Variants in MCC observed in about 807,000 individuals in gnomAD.
MCC encodes MCC regulator of Wnt signaling pathway, also known as colorectal mutant cancer protein.
In MCC, 90 loss-of-function variants were observed where a neutral mutation model predicts 116.2. That is an observed-to-expected ratio of 0.77 (90% CI 0.65 to 0.92). The LOEUF (loss-of-function observed/expected upper bound fraction) is 0.92, where lower values mean the gene tolerates loss of function less well. Ranked by LOEUF, MCC falls within the 40% of genes least tolerant of loss-of-function variation. The pLI is 0.00. For synonymous variants in MCC, 578 were observed against 510.5 expected, an observed-to-expected ratio of 1.13 and a Z score of -1.78; for missense variants, 1,516 against 1,312.2, an observed-to-expected ratio of 1.16 and a Z score of -2.40.
intron 1 of MCC, among the ~76,000 whole-genome samples, chr5:113,394,174 G>T (rs1190197783): frequency 6.6e-6 from 1 of 151,882 alleles, no homozygotes; most frequent in Non-Finnish European, 1.5e-5. Flanking sequence ...CACCCATGCT[G>T]GAAATCTAGA....
chr5:113,103,390 C>A (rs1756547784), intron 7 of MCC, among the ~76,000 whole-genome samples: 1 of 152,168 alleles, frequency 6.6e-6, no homozygotes, highest in Non-Finnish European at 1.5e-5. Context: ...GGGCTAGACC[C>A]AAGTTGACAT....
At chr5:113,377,157 A>G (rs550609537) in intron 2 of MCC, among the ~76,000 whole-genome samples, 4 of 152,314 alleles carry the variant, frequency 2.6e-5, no homozygotes, top group East Asian at 1.9e-4. Flanking sequence ...GGCTTCTCCA[A>G]TATGGTCACA....
At chr5:113,393,806 T>C (rs1016335409) in intron 1 of MCC, among the ~76,000 whole-genome samples, 1 of 152,216 alleles carries the variant, frequency 6.6e-6, no homozygotes, top group Admixed American at 6.5e-5. Flanking sequence ...TTCTTGAAAC[T>C]CTTCCTTCAG....
At chr5:113,116,010 C>T (rs1757370122) in intron 6 of MCC, among the ~76,000 whole-genome samples, 1 of 152,210 alleles carries the variant, frequency 6.6e-6, no homozygotes, top group African/African-American at 2.4e-5. Flanking sequence ...CTGACCACAG[C>T]CCAGCTCTCA....
chr5:113,079,005 T>C (rs1323313624), intron 11 of MCC, among the ~76,000 whole-genome samples: 2 of 152,164 alleles, frequency 1.3e-5, no homozygotes, highest in Admixed American at 6.5e-5. Context: ...AGCATTCCTG[T>C]ACACCAATAA....
At chr5:113,285,373 G>A (rs1838206) in intron 3 of MCC, among the ~76,000 whole-genome samples, 18,183 of 127,022 alleles carry the variant, frequency 0.14, 1,261 homozygotes, top group Non-Finnish European at 0.17. Flanking sequence ...AATATGAAAA[G>A]AATAAGAAAG....
chr5:113,232,957 C>G (rs1014759607), intron 3 of MCC, among the ~76,000 whole-genome samples: 3 of 152,120 alleles, frequency 2.0e-5, no homozygotes, highest in African/African-American at 7.2e-5. Context: ...TTGGAGAAGT[C>G]TGAAGCGTAT....
At chr5:113,226,291 C>T (rs1273523002) in intron 3 of MCC, among the ~76,000 whole-genome samples, 1 of 152,100 alleles carries the variant, frequency 6.6e-6, no homozygotes. Flanking sequence ...AACTGAGGGG[C>T]CAGGATGGGA....
intron 11 of MCC, among the ~76,000 whole-genome samples, chr5:113,074,804 T>C (rs1461604137): frequency 6.6e-6 from 1 of 152,206 alleles, no homozygotes; most frequent in Non-Finnish European, 1.5e-5. Context: ...GAAGATCATA[T>C]GAATGAAATG....
chr5:113,451,849 G>A (rs976661697), intron 1 of MCC, among the ~76,000 whole-genome samples: 1 of 152,208 alleles, frequency 6.6e-6, no homozygotes, highest in African/African-American at 2.4e-5. Context: ...AAAATTTGGT[G>A]GCTTAAAAAA....
At chr5:113,174,076 G>C (rs1761204170) in intron 3 of MCC, among the ~76,000 whole-genome samples, 1 of 152,166 alleles carries the variant, frequency 6.6e-6, no homozygotes, top group Non-Finnish European at 1.5e-5. Flanking sequence ...AATGTGTCTA[G>C]AATGAGGTAT....
chr5:113,283,275 A>C (rs1052306572), intron 3 of MCC, among the ~76,000 whole-genome samples: 5 of 152,258 alleles, frequency 3.3e-5, no homozygotes, highest in Non-Finnish European at 5.9e-5. Context: ...GGAGAAGAGG[A>C]CTAAGGGATT....
At chr5:113,299,429 A>G (rs2150364253) in intron 3 of MCC, among the ~76,000 whole-genome samples, 1 of 149,048 alleles carries the variant, frequency 6.7e-6, no homozygotes, top group South Asian at 2.2e-4. Context: ...GTTGGTGGTA[A>G]TTTAAATGTC....
intron 3 of MCC, among the ~76,000 whole-genome samples, chr5:113,168,180 G>A (rs531828022): frequency 6.6e-6 from 1 of 152,184 alleles, no homozygotes; most frequent in South Asian, 2.1e-4. Context: ...TAAACCAAGG[G>A]CATGCCACAA....
chr5:113,368,253 A>G (rs1768749859), intron 2 of MCC, among the ~76,000 whole-genome samples: 1 of 152,162 alleles, frequency 6.6e-6, no homozygotes. Flanking sequence ...TCCTCTCTGA[A>G]AATTTGAAGA....
intron 8 of MCC, among the ~76,000 whole-genome samples, chr5:113,099,655 G>A (rs1009012655): frequency 1.3e-5 from 2 of 152,246 alleles, no homozygotes; most frequent in South Asian, 2.1e-4. Context: ...TGGCAGGTCA[G>A]GCTGTGCATG....
intron 1 of MCC, among the ~76,000 whole-genome samples, chr5:113,418,637 A>G (rs1770223685): frequency 6.6e-6 from 1 of 152,178 alleles, no homozygotes; most frequent in South Asian, 2.1e-4. Flanking sequence ...CTTTTAGTGC[A>G]GTGCCTGGAA....
At chr5:113,136,531 A>G (rs1758838177) in intron 5 of MCC, among the ~76,000 whole-genome samples, 1 of 152,008 alleles carries the variant, frequency 6.6e-6, no homozygotes, top group South Asian at 2.1e-4. Context: ...TTATTTATTT[A>G]TTTATTTTTT....
At chr5:113,138,492 G>A (rs531849841) in intron 5 of MCC, among the ~76,000 whole-genome samples, 41 of 152,178 alleles carry the variant, frequency 2.7e-4, no homozygotes, top group Non-Finnish European at 5.1e-4. Flanking sequence ...CCCTCCATGT[G>A]AGGACACAGT....
Sources: gnomAD v4.1 joint callset for allele counts (sites outside exome capture counted in the v4.1 genomes callset) on GRCh38, gnomAD v4.1.1 for gene constraint, MANE v1.5 for transcripts, NCBI Gene and HGNC (gene_info 2026-07-23, HGNC 2026-07-21) for gene names.